Variants in FSHR observed in about 807,000 individuals in gnomAD.
FSHR encodes follicle stimulating hormone receptor.
In FSHR, 46 loss-of-function variants were observed where a neutral mutation model predicts 52.1. The observed-to-expected ratio is 0.88, with a 90% CI of 0.70 to 1.13. The LOEUF is 1.13. Among genes scored for constraint, FSHR ranks in the 50% most tolerant of loss-of-function variants. FSHR has a pLI of 0.00. For missense variants in FSHR, 964 were observed against 834.6 expected, an observed-to-expected ratio of 1.16 and a Z score of -1.91; for synonymous variants, 399 against 309.6, an observed-to-expected ratio of 1.29 and a Z score of -3.03.
rs1675246492 is a variant in FSHR, at chr2:48,981,501, A to G, written c.668+1411T>C. On this transcript the variant is annotated intron_variant, in intron 8 of 9. Transcript: ENST00000406846. The stretch of plus-strand genomic sequence containing the variant: ...TAGAGAGGTAAAAGAATTGGTCTAA[A>G]CCAAGGCAGTCTGCTCTGTATCTCC... 2.0e-5 allele frequency among the ~76,000 whole-genome samples: 3 copies of G among 152,176 alleles called. No individual in the cohort carries two copies. In the South Asian group the frequency reaches 6.2e-4, roughly 32 times the overall value.
chr2:49,035,618 A>G (rs1362325362), intron 2 of FSHR, among the ~76,000 whole-genome samples: 1 of 152,188 alleles, frequency 6.6e-6, no homozygotes, highest in Non-Finnish European at 1.5e-5. Flanking sequence ...TGAGATCATC[A>G]TATTATAGAA....
chr2:48,987,851 C>T (rs1675588663), intron 6 of FSHR, among the ~76,000 whole-genome samples: 1 of 151,710 alleles, frequency 6.6e-6, no homozygotes, highest in Admixed American at 6.6e-5. Context: ...CACACACACA[C>T]ACACACACAC....
intron 1 of FSHR, among the ~76,000 whole-genome samples, chr2:49,125,714 C>T (rs777440788): frequency 7.2e-5 from 11 of 152,146 alleles, no homozygotes; most frequent in African/African-American, 9.7e-5. Context: ...ATCACTGCCT[C>T]GAATTTGCAG....
chr2:49,079,376 T>C (rs1217017010), intron 1 of FSHR, among the ~76,000 whole-genome samples: 1 of 152,042 alleles, frequency 6.6e-6, no homozygotes, highest in Non-Finnish European at 1.5e-5. Context: ...TTTGTATGGG[T>C]ATGTGGAAAT....
At position 48,962,920 on chromosome 2, in the gene FSHR, C is replaced by A; in HGVS notation, c.1901G>T (p.Arg634Leu). ...FLYAIFTKNF[R>L]RDFFILLSKC... The stretch of plus-strand genomic sequence containing the variant: ...GCTCAGCAGAATGAAGAAATCTCTG[C>A]GAAAGTTTTTGGTAAAGATGGCATA... Residue 634 changes from arginine to leucine, a missense_variant, in exon 10 of 10, where the codon CGC becomes CTC. Coordinates refer to ENST00000406846, the MANE Select transcript of FSHR (RefSeq NM_000145.4). 4 of 1,614,020 alleles carry A rather than the reference C, an allele frequency of 2.5e-6. No homozygotes were observed. Among genetic ancestry groups the A allele is most frequent in the Non-Finnish European group, 3.4e-6 (4 of 1,180,004 alleles).
chr2:49,113,692 C>T (rs558973129), intron 1 of FSHR, among the ~76,000 whole-genome samples: 80 of 152,164 alleles, frequency 5.3e-4, no homozygotes, highest in African/African-American at 1.7e-3. Flanking sequence ...CTATTAGAGA[C>T]GTAGCATCTG....
At chr2:49,154,160 C>A in intron 1 of FSHR, 106 bp downstream of exon 1, 2 of 1,251,142 alleles carry the variant, frequency 1.6e-6, no homozygotes, top group African/African-American at 1.5e-5. Flanking sequence ...GGTCAAGGGG[C>A]AGAAATATTT....
intron 2 of FSHR, among the ~76,000 whole-genome samples, chr2:49,025,694 A>C (rs1667891487): frequency 6.6e-6 from 1 of 152,172 alleles, no homozygotes; most frequent in Non-Finnish European, 1.5e-5. Flanking sequence ...CACTGTGCTG[A>C]GGGAAAACTC....
In FSHR at chr2:48,962,735, AGTTTTGG is replaced by A; in HGVS notation, c.2079_2085del (p.Gln694LysfsTer11). On this transcript the variant is annotated frameshift_variant, in exon 10 of 10. Coordinates refer to ENST00000406846, the MANE Select transcript of FSHR (RefSeq NM_000145.4). LOFTEE classifies it high-confidence loss of function. ...CAGATACATTTTCACATTGTGTTTT[AGTTTTGG>A]GCTAAATGACTTAGAGGGACAAGTA... The A allele has an allele frequency of 6.2e-7, 1 of 1,613,296 alleles. No homozygotes were observed. Among genetic ancestry groups the A allele is most frequent in the Middle Eastern group, 1.7e-4 (1 of 6,054 alleles).
At chr2:49,106,036 CT>C (rs1671208924) in intron 1 of FSHR, among the ~76,000 whole-genome samples, 1 of 152,106 alleles carries the variant, frequency 6.6e-6, no homozygotes, top group African/African-American at 2.4e-5. Flanking sequence ...TCTGCTCTGC[CT>C]TCTGAGCAGC....
chr2:49,023,816 T>C (rs954247511), intron 2 of FSHR, among the ~76,000 whole-genome samples: 5 of 152,172 alleles, frequency 3.3e-5, no homozygotes, highest in African/African-American at 1.2e-4. Flanking sequence ...TCCATGTTTG[T>C]ATGAAGGATA....
intron 1 of FSHR, among the ~76,000 whole-genome samples, chr2:49,080,886 C>G (rs73931523): frequency 0.066 from 10,028 of 152,190 alleles, 382 homozygotes; most frequent in African/African-American, 0.1. Context: ...GCCATTATTC[C>G]CCTACTCTAA....
rs1456915047 is a variant in FSHR at position 49,154,431 on chromosome 2, T to C, written c.-14A>G. On this transcript the variant is annotated 5_prime_UTR_variant, in exon 1 of 10. It removes an upstream start codon present in the reference 5' UTR. Coordinates refer to ENST00000406846, the MANE Select transcript of FSHR (RefSeq NM_000145.4). The stretch of plus-strand genomic sequence containing the variant: ...GAGCAGGGCCATAATTATGCATCCA[T>C]CCACCTGATTTCTTCCTGCATTTGC... 3 of 1,611,606 alleles carry C rather than the reference T, an allele frequency of 1.9e-6. No homozygotes were observed. Among genetic ancestry groups the C allele is most frequent in the East Asian group, 2.2e-5 (1 of 44,832 alleles).
At chr2:48,994,666 C>G (rs1675942491) in intron 4 of FSHR, among the ~76,000 whole-genome samples, 2 of 152,018 alleles carry the variant, frequency 1.3e-5, no homozygotes, top group African/African-American at 4.8e-5. Flanking sequence ...CAGCTAGGAA[C>G]TGTATGTCTC....
chr2:49,146,410 G>C (rs1300911751), intron 1 of FSHR, among the ~76,000 whole-genome samples: 1 of 152,164 alleles, frequency 6.6e-6, no homozygotes, highest in East Asian at 1.9e-4. Context: ...AGTGCTCAGA[G>C]ACCTGTCCCC....
chr2:49,057,073 C>T (rs747989192), intron 2 of FSHR, among the ~76,000 whole-genome samples: 8 of 151,708 alleles, frequency 5.3e-5, no homozygotes, highest in Non-Finnish European at 7.4e-5. Context: ...ATTTCCCAGC[C>T]TCAAATAAAC....
At chr2:49,151,290 C>A (rs1400905872) in intron 1 of FSHR, among the ~76,000 whole-genome samples, 1 of 151,916 alleles carries the variant, frequency 6.6e-6, no homozygotes, top group Non-Finnish European at 1.5e-5. Flanking sequence ...AGCTACTCAA[C>A]TTTTTTGTGC....
At position 49,077,011 on chromosome 2, in the gene FSHR, C is replaced by T. The variant is rs113462881; in HGVS notation, c.153-8721G>A. Among the ~76,000 whole-genome samples, 234 of 152,262 alleles carry T rather than the reference C, an allele frequency of 1.5e-3. 6 individuals carry two copies. The South Asian group carries it at 0.03, about 19-fold the overall frequency. On this transcript the variant is annotated intron_variant, in intron 1 of 9. Coordinates refer to ENST00000406846, the MANE Select transcript of FSHR (RefSeq NM_000145.4). Reference sequence around the variant, plus strand: ...CTTCCAGCCACATGGTGCAAACTGTCGGTGGATCTACCATTCTGGGGTCTG... The same window carrying T: ...CTTCCAGCCACATGGTGCAAACTGTTGGTGGATCTACCATTCTGGGGTCTG...
intron 2 of FSHR, among the ~76,000 whole-genome samples, chr2:49,027,084 C>T (rs1667934173): frequency 6.6e-6 from 1 of 152,228 alleles, no homozygotes; most frequent in Non-Finnish European, 1.5e-5. Flanking sequence ...TCTGACATCC[C>T]TACTGGCCCA....
Sources: allele counts gnomAD v4.1 joint callset (sites outside exome capture counted in the v4.1 genomes callset), GRCh38; gene constraint gnomAD v4.1.1; transcripts MANE v1.5; gene names NCBI Gene and HGNC (gene_info 2026-07-23, HGNC 2026-07-21).